The following CACHD1 variants were observed in gnomAD, a reference collection of about 807,000 sequenced individuals.
CACHD1 encodes the protein VWFA and cache domain-containing protein 1.
A neutral mutation model predicts 138.7 loss-of-function variants in CACHD1; 71 were observed. The observed-to-expected ratio is 0.51, with a 90% CI of 0.42 to 0.62. The LOEUF (loss-of-function observed/expected upper bound fraction) is 0.62, where lower values mean the gene tolerates loss of function less well. Among genes scored for constraint, CACHD1 ranks in the 20% least tolerant of loss-of-function variants. CACHD1 has a pLI of 0.00. For missense variants in CACHD1, 1,389 were observed against 1,625.3 expected, an observed-to-expected ratio of 0.85 and a Z score of 2.50; for synonymous variants, 578 against 591.5, an observed-to-expected ratio of 0.98 and a Z score of 0.33.
intron 3 of CACHD1, among the ~76,000 whole-genome samples, chr1:64,595,261 T>C (rs1353547815): frequency 6.6e-6 from 1 of 152,190 alleles, no homozygotes; most frequent in Non-Finnish European, 1.5e-5. Context: ...GTCTCCGGTC[T>C]CTAGTCCTGG....
Position 64,470,657 on chromosome 1 carries a change from G to C in CACHD1, c.-88G>C, listed in dbSNP as rs927200429. The C allele has an allele frequency of 2.2e-6, 1 of 450,224 alleles. No homozygotes were observed. The highest frequency in any genetic ancestry group is 3.9e-6 in the Non-Finnish European group (1 of 257,616). The allele number at this position is 450,224 out of a possible 1,614,324, so 27.9% of individuals were successfully genotyped here. ...CTGCAACAGAGGAAGAAACTTTTGCGGGGTGCGCCGCGCTTTTGCGGGGGG... is the reference window on the plus strand; with the variant it reads ...CTGCAACAGAGGAAGAAACTTTTGCCGGGTGCGCCGCGCTTTTGCGGGGGG... On this transcript the variant is annotated 5_prime_UTR_variant, in exon 1 of 27. Transcript: ENST00000651257. The surrounding 1 kb of genome is among the most constrained non-coding windows in gnomAD (Gnocchi z 5.2).
rs768544521 is a variant in CACHD1 at position 64,676,899 on chromosome 1, C to G, written c.2980C>G (p.Pro994Ala). 6.2e-7 allele frequency: 1 copy of G among 1,613,344 alleles called. No individual in the cohort carries two copies. Among genetic ancestry groups the G allele is most frequent in the Non-Finnish European group, 8.5e-7 (1 of 1,179,640 alleles). ...CCAGACTTACCTCCTGCACAGAAACCCCAGCTGCGAGGTCCACCAGGAGCC... is the reference window on the plus strand; with the variant it reads ...CCAGACTTACCTCCTGCACAGAAACGCCAGCTGCGAGGTCCACCAGGAGCC... ...GNLTNAENRN[P>A]SCEVHQEPVT... The change falls in exon 22 of 27, where the codon CCC (proline) becomes GCC (alanine). Residue 994 changes from proline to alanine, a missense_variant. Around this residue, in one of 5 missense-constraint regions of CACHD1, gnomAD observed 250 missense variants for 292.9 expected, o/e 0.85. Coordinates refer to ENST00000651257, the MANE Select transcript of CACHD1 (RefSeq NM_020925.4).
intron 26 of CACHD1, among the ~76,000 whole-genome samples, chr1:64,689,426 A>G (rs1650473163): frequency 6.6e-6 from 1 of 151,998 alleles, no homozygotes; most frequent in East Asian, 1.9e-4. Flanking sequence ...TCTTGCCTCC[A>G]CCACTGAGAT....
At chr1:64,597,163 A>C (rs1647159909) in intron 3 of CACHD1, among the ~76,000 whole-genome samples, 1 of 152,148 alleles carries the variant, frequency 6.6e-6, no homozygotes, top group African/African-American at 2.4e-5. Context: ...GTTGATTTAC[A>C]CTGTGAATCG....
chr1:64,681,431 T>A, intron 25 of CACHD1, 96 bp downstream of exon 25: 8 of 1,010,132 alleles, frequency 7.9e-6, no homozygotes, highest in Non-Finnish European at 1.2e-5. Flanking sequence ...TATTAAAATT[T>A]AAGAAGCTTT....
intron 1 of CACHD1, among the ~76,000 whole-genome samples, chr1:64,501,757 T>G (rs1646341807): frequency 1.3e-5 from 2 of 152,334 alleles, no homozygotes; most frequent in South Asian, 4.1e-4. Flanking sequence ...CTTCCAAGGC[T>G]GATGAAAAAG....
rs745569227 is a variant in CACHD1 at position 64,664,515 on chromosome 1, A to G, written c.2112A>G (p.Glu704=). ...TTTCCCAGTTCTCTGTCAGAAATGAAGTAATGGCTACCAGCCACGTCACAG... is the reference window on the plus strand; with the variant it reads ...TTTCCCAGTTCTCTGTCAGAAATGAGGTAATGGCTACCAGCCACGTCACAG... ...NPGLKFSVRN[E]VMATSHVTDE... The change falls in exon 15 of 27, where the codon GAA becomes GAG. Residue 704 remains glutamate, a synonymous_variant. Coordinates refer to ENST00000651257, the MANE Select transcript of CACHD1 (RefSeq NM_020925.4). 7.6e-5 allele frequency: 122 copies of G among 1,614,046 alleles called. No individual in the cohort carries two copies. Among genetic ancestry groups the G allele is most frequent in the Middle Eastern group, 4.9e-4 (3 of 6,084 alleles).
intron 1 of CACHD1, among the ~76,000 whole-genome samples, chr1:64,519,439 T>C (rs1308355445): frequency 6.6e-6 from 1 of 152,218 alleles, no homozygotes; most frequent in Admixed American, 6.5e-5. Context: ...AGGCCTCAGT[T>C]TCCTTGTCTC....
intron 4 of CACHD1, among the ~76,000 whole-genome samples, chr1:64,626,569 C>T (rs1410073795): frequency 6.6e-6 from 1 of 152,246 alleles, no homozygotes; most frequent in African/African-American, 2.4e-5. Context: ...AACTTGGCCT[C>T]TGGCTTCCTG....
intron 8 of CACHD1, 113 bp from the exon 9 acceptor site, chr1:64,647,688 C>A: frequency 1.2e-6 from 1 of 807,960 alleles, no homozygotes; most frequent in Non-Finnish European, 2.0e-6. Flanking sequence ...CTGCAAAAAC[C>A]CCTTTGGTAT....
At chr1:64,498,306 G>A (rs771448537) in intron 1 of CACHD1, among the ~76,000 whole-genome samples, 6 of 152,170 alleles carry the variant, frequency 3.9e-5, no homozygotes, top group Non-Finnish European at 7.3e-5. Flanking sequence ...TACAGTGCGT[G>A]CTCCAGCATA....
At chr1:64,642,055 A>T in intron 8 of CACHD1, 86 bp downstream of exon 8, 1 of 1,259,520 alleles carries the variant, frequency 7.9e-7, no homozygotes, top group Non-Finnish European at 1.1e-6. Flanking sequence ...GAATCATAAC[A>T]GTGTGCTTGG....
chr1:64,621,454 A>G (rs767194995), intron 4 of CACHD1, among the ~76,000 whole-genome samples: 8 of 152,122 alleles, frequency 5.3e-5, no homozygotes, highest in Non-Finnish European at 8.8e-5. Context: ...GTAAATCTGT[A>G]TACTTCCTTC....
intron 13 of CACHD1, among the ~76,000 whole-genome samples, chr1:64,663,414 G>A (rs1375966496): frequency 6.6e-6 from 1 of 151,598 alleles, no homozygotes; most frequent in African/African-American, 2.4e-5. Flanking sequence ...AGCCGGGCGT[G>A]GTGGCGGTTG....
At chr1:64,603,759 G>T (rs939116557) in intron 4 of CACHD1, among the ~76,000 whole-genome samples, 2 of 152,118 alleles carry the variant, frequency 1.3e-5, no homozygotes, top group African/African-American at 4.8e-5. Flanking sequence ...CTACTGGTTA[G>T]CTCCAAAGTG....
intron 2 of CACHD1, among the ~76,000 whole-genome samples, chr1:64,578,535 TTACAAATTC>T (rs1290001266): frequency 2.0e-4 from 31 of 152,326 alleles, no homozygotes; most frequent in African/African-American, 7.5e-4. Flanking sequence ...ACAAACATGC[TTACAAATTC>T]TGTGGGTCAG....
Position 64,676,760 on chromosome 1 carries a change from T to A in CACHD1, c.2976-135T>A, listed in dbSNP as rs572737874. The A allele has an allele frequency of 9.5e-5, 61 of 640,528 alleles. No homozygotes were observed. The African/African-American group carries it at 1.1e-3, about 11-fold the overall frequency. The allele number at this position is 640,528 out of a possible 1,614,324, so 39.7% of individuals were successfully genotyped here. ...TTGAAGCTCAGAGTTGTTAAGTGAT[T>A]GATACAAGGTTACACACTAAGTGGC... On this transcript the variant is annotated intron_variant, in intron 21 of 26. Coordinates refer to ENST00000651257, the MANE Select transcript of CACHD1 (RefSeq NM_020925.4).
intron 1 of CACHD1, among the ~76,000 whole-genome samples, chr1:64,477,930 G>A (rs558958626): frequency 5.3e-5 from 8 of 151,832 alleles, no homozygotes; most frequent in Admixed American, 1.3e-4. Flanking sequence ...CACCGCGCCC[G>A]GCCCCCCCAG....
At chr1:64,589,491 CGT>C (rs202013898) in intron 3 of CACHD1, among the ~76,000 whole-genome samples, 108 of 151,394 alleles carry the variant, frequency 7.1e-4, no homozygotes, top group Non-Finnish European at 1.3e-3. Context: ...TGTGTGCGTG[CGT>C]GTGTGTGTGT....
Sources: allele counts gnomAD v4.1 joint callset (sites outside exome capture counted in the v4.1 genomes callset), GRCh38; gene constraint gnomAD v4.1.1; regional missense constraint gnomAD v4.1.1; non-coding constraint Gnocchi (gnomAD v3.1); transcripts MANE v1.5; gene names NCBI Gene and HGNC (gene_info 2026-07-23, HGNC 2026-07-21).